The following ADAM10 variants were observed in gnomAD, a reference collection of about 807,000 sequenced individuals.
ADAM10 encodes the protein disintegrin and metalloproteinase domain-containing protein 10.
Under a neutral mutation model 90.1 loss-of-function variants are expected in ADAM10, and 17 were observed. The ratio of observed to expected loss-of-function variants is 0.19; its 90% CI spans 0.13 to 0.28. ADAM10 has a LOEUF of 0.28. Ranked by LOEUF, ADAM10 falls within the 10% of genes least tolerant of loss-of-function variation. The pLI is 1.00. For missense variants in ADAM10, 610 were observed against 914.3 expected (o/e 0.67, Z 4.29); for synonymous variants, 310 against 298.6 (o/e 1.04, Z -0.40).
chr15:58,667,684 T>C (rs1267535134), intron 4 of ADAM10, among the ~76,000 whole-genome samples: 2 of 152,062 alleles, frequency 1.3e-5, no homozygotes, highest in African/African-American at 4.8e-5. Flanking sequence ...GCCTTGTCCA[T>C]GAAAATCGTC....
rs777187054 is a variant in ADAM10 at position 58,627,840 on chromosome 15, A to G, written c.1220T>C (p.Leu407Ser). 1.2e-6 allele frequency: 2 copies of G among 1,613,636 alleles called. No individual in the cohort carries two copies. Among genetic ancestry groups the G allele is most frequent in the Non-Finnish European group, 1.7e-6 (2 of 1,179,756 alleles). ...TECTPGESKN[L>S]GQKENGNYIM... ...GTAATTGCCATTTTCTTTTTGACCC[A>G]AATTCTTAGATTCTCCTGGTGTGCA... The change falls in exon 10 of 16, where the codon TTG becomes TCG. Residue 407 changes from leucine (L) to serine (S), a missense_variant. Leu to Ser is a moderately radical substitution (Grantham distance 145). Coordinates refer to ENST00000260408, the MANE Select transcript of ADAM10 (RefSeq NM_001110.4).
intron 10 of ADAM10, among the ~76,000 whole-genome samples, chr15:58,625,279 T>C (rs1351596397): frequency 6.6e-6 from 1 of 152,060 alleles, no homozygotes; most frequent in East Asian, 1.9e-4. Context: ...ATCTAGACTA[T>C]ATAAAGAATT....
intron 1 of ADAM10, among the ~76,000 whole-genome samples, chr15:58,737,848 A>G (rs373045042): frequency 3.3e-5 from 5 of 152,286 alleles, no homozygotes; most frequent in South Asian, 4.1e-4. Context: ...TTTCATTAAC[A>G]TCAGGAGAAA....
chr15:58,708,938 C>T (rs565841269), intron 2 of ADAM10, among the ~76,000 whole-genome samples: 15 of 152,248 alleles, frequency 9.9e-5, no homozygotes, highest in Non-Finnish European at 1.9e-4. Context: ...ATACAATTAA[C>T]TGAAGAATAA....
intron 2 of ADAM10, among the ~76,000 whole-genome samples, chr15:58,711,833 A>C: frequency 6.6e-6 from 1 of 152,226 alleles, no homozygotes; most frequent in South Asian, 2.1e-4. Context: ...AATCGTTTTA[A>C]GTAAGAGTCT....
intron 5 of ADAM10, among the ~76,000 whole-genome samples, chr15:58,652,873 A>AT (rs1310455181): frequency 7.2e-5 from 11 of 151,890 alleles, no homozygotes; most frequent in African/African-American, 2.4e-4. Flanking sequence ...ATATCTTTCC[A>AT]TTTTTTTCTG....
intron 2 of ADAM10, chr15:58,693,268 A>C (rs373339950): frequency 1.6e-5 from 9 of 546,660 alleles, no homozygotes; most frequent in African/African-American, 5.7e-5. Flanking sequence ...CACGGCACCA[A>C]GGCTGCACAG....
chr15:58,643,869 CTATT>C lies in ADAM10; in HGVS notation c.828+13_828+16del, dbSNP rs1424409907. On this transcript the variant is annotated intron_variant, in intron 7 of 15. Transcript: ENST00000260408. Reference sequence around the variant, plus strand: ...TGTTTCACTTTTTAAGTGTTTTTAACTATTTAAGTTCCTTACTCTTATGCGTTTC... The same window carrying C: ...TGTTTCACTTTTTAAGTGTTTTTAACTAAGTTCCTTACTCTTATGCGTTTC... The C allele has an allele frequency of 6.3e-7, 1 of 1,576,180 alleles. No homozygotes were observed. The highest frequency in any genetic ancestry group is 8.7e-7 in the Non-Finnish European group (1 of 1,145,684).
At chr15:58,722,257 A>G (rs1428714584) in intron 1 of ADAM10, among the ~76,000 whole-genome samples, 1 of 151,806 alleles carries the variant, frequency 6.6e-6, no homozygotes, top group Non-Finnish European at 1.5e-5. Context: ...CAGGAGAATC[A>G]CTTGAACCCG....
At chr15:58,737,470 A>C (rs1282039080) in intron 1 of ADAM10, among the ~76,000 whole-genome samples, 1 of 152,158 alleles carries the variant, frequency 6.6e-6, no homozygotes, top group Non-Finnish European at 1.5e-5. Flanking sequence ...CTACATGTAA[A>C]GGCAAGATCT....
At chr15:58,736,128 G>A (rs1899422248) in intron 1 of ADAM10, among the ~76,000 whole-genome samples, 1 of 152,036 alleles carries the variant, frequency 6.6e-6, no homozygotes, top group Non-Finnish European at 1.5e-5. Flanking sequence ...TGTTAAGCCA[G>A]GCTTATCCTT....
intron 2 of ADAM10, chr15:58,692,925 A>T: frequency 1.4e-6 from 1 of 707,672 alleles, no homozygotes; most frequent in Non-Finnish European, 2.7e-6. Flanking sequence ...TGGTCATGCC[A>T]ATGCCTGTGT....
chr15:58,711,737 TACATATACATAC>T (rs1187512225), intron 2 of ADAM10, among the ~76,000 whole-genome samples: 1 of 152,188 alleles, frequency 6.6e-6, no homozygotes, highest in African/African-American at 2.4e-5. Context: ...GGTTTAAACG[TACATATACATAC>T]AACCACAAAA....
intron 14 of ADAM10, among the ~76,000 whole-genome samples, chr15:58,603,995 A>C (rs1036089388): frequency 6.6e-6 from 1 of 152,106 alleles, no homozygotes; most frequent in Non-Finnish European, 1.5e-5. Context: ...TGCAAAATTC[A>C]TACTTCTGTG....
intron 1 of ADAM10, among the ~76,000 whole-genome samples, chr15:58,745,114 C>T (rs1019408649): frequency 1.3e-5 from 2 of 152,142 alleles, no homozygotes; most frequent in Non-Finnish European, 1.5e-5. Context: ...ACCTGGCAGA[C>T]GGAGGTTGCA....
chr15:58,709,131 A>T (rs947002872), intron 2 of ADAM10, among the ~76,000 whole-genome samples: 3 of 152,214 alleles, frequency 2.0e-5, no homozygotes, highest in African/African-American at 4.8e-5. Context: ...ATTTTCAGGT[A>T]TAATGAAATA....
intron 9 of ADAM10, among the ~76,000 whole-genome samples, chr15:58,632,620 G>A (rs1441653313): frequency 2.0e-5 from 3 of 152,158 alleles, no homozygotes; most frequent in Non-Finnish European, 2.9e-5. Context: ...AATCATGGGC[G>A]TATAACGCTT....
chr15:58,645,616 A>G (rs1235143299), intron 6 of ADAM10, among the ~76,000 whole-genome samples: 2 of 152,222 alleles, frequency 1.3e-5, no homozygotes, highest in African/African-American at 4.8e-5. Context: ...CACACGAAGG[A>G]CATTTTGAAG....
intron 2 of ADAM10, among the ~76,000 whole-genome samples, chr15:58,710,581 T>C (rs576017287): frequency 6.6e-6 from 1 of 152,144 alleles, no homozygotes; most frequent in African/African-American, 2.4e-5. Flanking sequence ...AATACTGAGA[T>C]AAAAAGCAAT....
Sources: gnomAD v4.1 joint callset for allele counts (sites outside exome capture counted in the v4.1 genomes callset) on GRCh38, gnomAD v4.1.1 for gene constraint, MANE v1.5 for transcripts, NCBI Gene and HGNC (gene_info 2026-07-23, HGNC 2026-07-21) for gene names.